The following UNC5A variants were observed in gnomAD, a reference collection of about 807,000 sequenced individuals.
UNC5A encodes netrin receptor UNC5A.
In UNC5A, 20 loss-of-function variants were observed where a neutral mutation model predicts 87.4. The ratio of observed to expected loss-of-function variants is 0.23; its 90% confidence interval spans 0.16 to 0.33. The LOEUF (loss-of-function observed/expected upper bound fraction) is 0.33. Ranked by LOEUF, UNC5A falls within the 10% of genes least tolerant of loss-of-function variation. The pLI is 1.00. For missense variants in UNC5A, 844 were observed against 1,133.4 expected (o/e 0.74, Z 3.67); for synonymous variants, 438 against 482.3 (o/e 0.91, Z 1.20).
intron 6 of UNC5A, 112 bp downstream of exon 6, chr5:176,870,646 C>A: frequency 1.6e-6 from 2 of 1,263,726 alleles, no homozygotes; most frequent in South Asian, 1.5e-5. Context: ...TGTAGCCTCT[C>A]CAGGCTCAGG....
At chr5:176,860,040 G>A (rs1319905748) in intron 1 of UNC5A, among the ~76,000 whole-genome samples, 2 of 152,234 alleles carry the variant, frequency 1.3e-5, no homozygotes, top group African/African-American at 4.8e-5. Flanking sequence ...GCAGTGCTTG[G>A]CGTGCTGATC....
intron 1 of UNC5A, among the ~76,000 whole-genome samples, chr5:176,858,778 AGCAAGCAGGCAGGGAG>A (rs1554098989): frequency 3.0e-3 from 109 of 36,506 alleles, no homozygotes; most frequent in East Asian, 8.8e-3. Flanking sequence ...AAGGAAGGCA[AGCAAGCAGGCAGGGAG>A]GGAGGGAGGG....
intron 1 of UNC5A, among the ~76,000 whole-genome samples, chr5:176,827,461 G>T (rs1322866345): frequency 6.6e-6 from 1 of 152,164 alleles, no homozygotes; most frequent in Non-Finnish European, 1.5e-5. Flanking sequence ...GGGATTACAG[G>T]TGTGAGCCAC....
At chr5:176,827,037 C>G (rs1756871879) in intron 1 of UNC5A, among the ~76,000 whole-genome samples, 1 of 152,082 alleles carries the variant, frequency 6.6e-6, no homozygotes, top group South Asian at 2.1e-4. Flanking sequence ...CTTTCTGTCT[C>G]TACGGACTTG....
intron 1 of UNC5A, among the ~76,000 whole-genome samples, chr5:176,839,748 C>G (rs940560541): frequency 2.7e-5 from 4 of 150,102 alleles, no homozygotes; most frequent in Admixed American, 1.3e-4. Context: ...ATACCGCAAG[C>G]GAAGACAGAA....
chr5:176,827,153 T>C (rs1756874736), intron 1 of UNC5A, among the ~76,000 whole-genome samples: 1 of 150,702 alleles, frequency 6.6e-6, no homozygotes, highest in Admixed American at 6.7e-5. Context: ...TGTTGTAGCA[T>C]GAAAGCATGC....
intron 6 of UNC5A, among the ~76,000 whole-genome samples, chr5:176,870,750 G>A (rs1758090372): frequency 6.6e-6 from 1 of 151,920 alleles, no homozygotes; most frequent in African/African-American, 2.4e-5. Flanking sequence ...GCACAGATTT[G>A]AACCTTGATT....
chr5:176,863,890 A>AGCC (rs1757909439), intron 2 of UNC5A, among the ~76,000 whole-genome samples: 1 of 140,976 alleles, frequency 7.1e-6, no homozygotes, highest in Non-Finnish European at 1.5e-5. Context: ...CACTCATTAG[A>AGCC]GCCTGTTTCA....
chr5:176,833,677 T>C (rs958683016), intron 1 of UNC5A, among the ~76,000 whole-genome samples: 1 of 151,910 alleles, frequency 6.6e-6, no homozygotes, highest in African/African-American at 2.4e-5. Context: ...ACTCATTAGC[T>C]CAGTCACACA....
At chr5:176,877,769 T>C in intron 10 of UNC5A, 66 bp downstream of exon 10, 1 of 1,528,564 alleles carries the variant, frequency 6.5e-7, no homozygotes, top group Non-Finnish European at 8.8e-7. Context: ...CACCCGGCCT[T>C]CCACCGCTGG....
rs557148457 is a variant in UNC5A at position 176,810,976 on chromosome 5, G to C, written c.70+156G>C. On this transcript the variant is annotated intron_variant, in intron 1 of 14. Coordinates refer to ENST00000329542, the MANE Select transcript of UNC5A (RefSeq NM_133369.3). The surrounding 1 kb of genome is among the most constrained non-coding windows in gnomAD (Gnocchi z 7.3). ...CGGGACGCGGGGGGCTCTTCTTGCT[G>C]CTGCGCAGCTTCCCCGCGCGCTCTC... Among the ~76,000 whole-genome samples, 1 of 152,232 alleles carries C rather than the reference G, an allele frequency of 6.6e-6. No individual in the cohort carries two copies. Among genetic ancestry groups the C allele is most frequent in the Admixed American group, 6.5e-5 (1 of 15,308 alleles).
intron 1 of UNC5A, among the ~76,000 whole-genome samples, chr5:176,833,199 A>C (rs1757067733): frequency 6.6e-6 from 1 of 152,218 alleles, no homozygotes; most frequent in African/African-American, 2.4e-5. Flanking sequence ...CAGGATTGTT[A>C]CATGGGTGCA....
At chr5:176,813,954 C>T (rs1373780130) in intron 1 of UNC5A, among the ~76,000 whole-genome samples, 3 of 152,152 alleles carry the variant, frequency 2.0e-5, no homozygotes, top group African/African-American at 4.8e-5. Flanking sequence ...AGGGCCCTGC[C>T]GTCCCCTCCT....
intron 1 of UNC5A, among the ~76,000 whole-genome samples, chr5:176,828,928 A>C (rs1252086489): frequency 3.9e-5 from 6 of 152,210 alleles, no homozygotes. Flanking sequence ...CAAGAGTTCG[A>C]GACCAGCCTG....
chr5:176,833,785 T>C (rs1441623163), intron 1 of UNC5A, among the ~76,000 whole-genome samples: 1 of 151,290 alleles, frequency 6.6e-6, no homozygotes, highest in Admixed American at 6.6e-5. Flanking sequence ...CTCCGCTCAC[T>C]GCAAGCTCCA....
At chr5:176,831,619 T>A (rs1757027001) in intron 1 of UNC5A, among the ~76,000 whole-genome samples, 1 of 152,184 alleles carries the variant, frequency 6.6e-6, no homozygotes, top group Admixed American at 6.5e-5. Flanking sequence ...TGCACCACCT[T>A]GGACCCTCCT....
chr5:176,856,115 C>A (rs1757662387), intron 1 of UNC5A, among the ~76,000 whole-genome samples: 1 of 151,392 alleles, frequency 6.6e-6, no homozygotes, highest in Middle Eastern at 3.5e-3. Context: ...GGGACGGAGG[C>A]CTTGCTCAGT....
chr5:176,846,095 T>C (rs752820644), intron 1 of UNC5A, among the ~76,000 whole-genome samples: 1 of 151,992 alleles, frequency 6.6e-6, no homozygotes, highest in Non-Finnish European at 1.5e-5. Flanking sequence ...GGTAGCCACA[T>C]AGGATGGCTG....
chr5:176,840,375 G>A (rs1022202148), intron 1 of UNC5A, among the ~76,000 whole-genome samples: 3 of 152,258 alleles, frequency 2.0e-5, no homozygotes, highest in Admixed American at 2.0e-4. Context: ...GTCGGGGGAG[G>A]GGCTGGGCGG....
Sources: gnomAD v4.1 joint callset for allele counts (sites outside exome capture counted in the v4.1 genomes callset) on GRCh38, gnomAD v4.1.1 for gene constraint, Gnocchi (gnomAD v3.1) non-coding constraint, MANE v1.5 for transcripts, NCBI Gene and HGNC (gene_info 2026-07-23, HGNC 2026-07-21) for gene names.